The following PREX2 variants were observed in gnomAD, a reference collection of about 807,000 sequenced individuals.
PREX2 encodes phosphatidylinositol 3,4,5-trisphosphate-dependent Rac exchanger 2 protein.
A neutral mutation model predicts 203.2 loss-of-function variants in PREX2; 107 were observed. That is an observed-to-expected ratio of 0.53 (90% confidence interval 0.45 to 0.62). The LOEUF (loss-of-function observed/expected upper bound fraction) is 0.62, where lower values mean the gene tolerates loss of function less well. PREX2 is among the 20% of genes least tolerant of loss of function. The pLI is 0.00. For synonymous variants in PREX2, 672 were observed against 663.6 expected (o/e 1.01, Z -0.19); for missense variants, 1,777 against 1,955.9 (o/e 0.91, Z 1.72).
intron 39 of PREX2, 73 bp from the exon 40 acceptor site, chr8:68,231,260 T>C: frequency 9.4e-7 from 1 of 1,065,906 alleles, no homozygotes; most frequent in Non-Finnish European, 1.3e-6. Flanking sequence ...AATGTATTTG[T>C]TCTACCAATA....
intron 1 of PREX2, among the ~76,000 whole-genome samples, chr8:67,962,603 TTA>T (rs1401231054): frequency 8.5e-6 from 1 of 117,118 alleles, no homozygotes; most frequent in South Asian, 3.2e-4. Context: ...TTTATATATT[TTA>T]TTTTTTTTTT....
intron 9 of PREX2, among the ~76,000 whole-genome samples, chr8:68,054,714 T>C (rs553806685): frequency 4.1e-4 from 62 of 152,316 alleles, no homozygotes; most frequent in African/African-American, 1.4e-3. Context: ...ACACTGCCGA[T>C]TTGTTCAACT....
rs1488164253 is a variant in PREX2 at position 68,191,750 on chromosome 8, C to A, written c.4375C>A (p.Pro1459Thr). 3 of 1,610,248 alleles carry A rather than the reference C, an allele frequency of 1.9e-6. No homozygotes were observed. Among genetic ancestry groups the A allele is most frequent in the Admixed American group, 3.3e-5 (2 of 59,988 alleles). Residue 1459 changes from proline to threonine, a missense_variant, in exon 36 of 40, where the codon CCA (proline) becomes ACA (threonine). Transcript: ENST00000288368. ...RAFYLDKSNS[P>T]PNSTSKAAYV... is the part of the protein sequence containing the mutation. ...ATTCTACTTGGACAAGTCAAATTCA[C>A]CACCAAACTCCACATCCAAAGCTGC...
chr8:68,155,525 T>TC (rs1468828417), intron 34 of PREX2, among the ~76,000 whole-genome samples: 4 of 152,168 alleles, frequency 2.6e-5, no homozygotes, highest in Admixed American at 6.5e-5. Flanking sequence ...GTTTCCTATT[T>TC]CCCCCCCTCA....
chr8:68,012,476 A>C (rs1807293137), intron 1 of PREX2, among the ~76,000 whole-genome samples: 1 of 152,216 alleles, frequency 6.6e-6, no homozygotes, highest in Non-Finnish European at 1.5e-5. Context: ...ACAAGGAAAC[A>C]GCAACAATCA....
chr8:68,081,619 ATATGAG>A (rs1289634676), intron 17 of PREX2, among the ~76,000 whole-genome samples: 36 of 152,322 alleles, frequency 2.4e-4, no homozygotes, highest in African/African-American at 7.5e-4. Context: ...ATAGTGTTTT[ATATGAG>A]TATAACTTTC....
At chr8:67,952,707 C>T in intron 1 of PREX2, 172 bp downstream of exon 1, 3 of 890,142 alleles carry the variant, frequency 3.4e-6, no homozygotes, top group South Asian at 2.9e-5. Context: ...GCGGTGACCC[C>T]CGCGGGGATT....
chr8:68,017,011 T>G (rs1304079007), intron 1 of PREX2, among the ~76,000 whole-genome samples: 1 of 152,180 alleles, frequency 6.6e-6, no homozygotes, highest in Non-Finnish European at 1.5e-5. Flanking sequence ...AGGGTGATAA[T>G]GGATGGTGTC....
At chr8:68,182,553 T>G (rs1317768587) in intron 35 of PREX2, among the ~76,000 whole-genome samples, 1 of 152,152 alleles carries the variant, frequency 6.6e-6, no homozygotes, top group African/African-American at 2.4e-5. Context: ...ACATAATGAT[T>G]TAATCTGTCT....
At chr8:68,127,858 A>G (rs1810926192) in intron 31 of PREX2, among the ~76,000 whole-genome samples, 6 of 152,146 alleles carry the variant, frequency 3.9e-5, no homozygotes, top group Admixed American at 3.3e-4. Flanking sequence ...ATGGAAAATG[A>G]CACTAAAGGA....
intron 33 of PREX2, among the ~76,000 whole-genome samples, chr8:68,145,658 A>T (rs940721483): frequency 1.3e-5 from 2 of 151,854 alleles, no homozygotes; most frequent in Non-Finnish European, 2.9e-5. Context: ...GTTTTTTTTT[A>T]AGTAATTAAA....
chr8:68,133,267 C>G (rs949071536), intron 31 of PREX2, among the ~76,000 whole-genome samples: 1 of 152,126 alleles, frequency 6.6e-6, no homozygotes, highest in Non-Finnish European at 1.5e-5. Flanking sequence ...ATAATCCAAT[C>G]ACTTTCCGCC....
chr8:68,198,380 A>T (rs1178453790), intron 37 of PREX2, among the ~76,000 whole-genome samples: 1 of 152,174 alleles, frequency 6.6e-6, no homozygotes, highest in African/African-American at 2.4e-5. Context: ...GAATCTTTTT[A>T]AGATATTGAG....
intron 39 of PREX2, among the ~76,000 whole-genome samples, chr8:68,224,872 T>C (rs1813027673): frequency 6.6e-6 from 1 of 152,148 alleles, no homozygotes; most frequent in African/African-American, 2.4e-5. Flanking sequence ...ACACAGGCAC[T>C]ACTAAAATTT....
chr8:68,191,824 A>T (rs1563581100), intron 36 of PREX2, 36 bp downstream of exon 36: 1 of 1,325,404 alleles, frequency 7.5e-7, no homozygotes, highest in Non-Finnish European at 1.1e-6. Context: ...GGTGCTTTTT[A>T]ATTTAAATAT....
chr8:68,039,842 C>T (rs1273143742), intron 7 of PREX2, among the ~76,000 whole-genome samples: 1 of 152,144 alleles, frequency 6.6e-6, no homozygotes, highest in Non-Finnish European at 1.5e-5. Flanking sequence ...CTACTCTGCT[C>T]CAGGCCACCA....
intron 11 of PREX2, among the ~76,000 whole-genome samples, chr8:68,068,825 A>G (rs138163498): frequency 1.5e-5 from 2 of 131,424 alleles, no homozygotes; most frequent in East Asian, 4.2e-4. Context: ...AAATCGTTAT[A>G]TGGAAACTGT....
Position 68,180,811 on chromosome 8 carries a change from C to T in PREX2, c.4347-10911C>T, listed in dbSNP as rs751225430. Among the ~76,000 whole-genome samples, 8 of 152,016 alleles carry T rather than the reference C, an allele frequency of 5.3e-5. No individual in the cohort carries two copies. In the South Asian group the frequency reaches 6.2e-4, roughly 12 times the overall value. On this transcript the variant is annotated intron_variant, in intron 35 of 39. Coordinates refer to ENST00000288368, the MANE Select transcript of PREX2 (RefSeq NM_024870.4). ...GAATGGTTCTCGTAGGATGACAGTC[C>T]GCTGAGGAGAGTGGGTTGAAGATTT...
At chr8:68,105,386 G>T (rs749936820) in intron 23 of PREX2, 1 of 1,352,880 alleles carries the variant, frequency 7.4e-7, no homozygotes, top group Admixed American at 1.9e-5. Context: ...GAACAGTTCA[G>T]GCACCCTTAG....
Sources: allele counts gnomAD v4.1 joint callset (sites outside exome capture counted in the v4.1 genomes callset), GRCh38; gene constraint gnomAD v4.1.1; transcripts MANE v1.5; gene names NCBI Gene and HGNC (gene_info 2026-07-23, HGNC 2026-07-21).